The following BTN3A2 variants were observed in gnomAD, a reference collection of about 807,000 sequenced individuals.
BTN3A2 encodes butyrophilin subfamily 3 member A2, also known as butyrophilin protein.
In BTN3A2, 25 loss-of-function variants were observed where a neutral mutation model predicts 37.6. That is an observed-to-expected ratio of 0.66 (90% CI 0.48 to 0.93). The LOEUF (loss-of-function observed/expected upper bound fraction) is 0.93, where lower values mean the gene tolerates loss of function less well. Ranked by LOEUF, BTN3A2 falls within the 40% of genes least tolerant of loss-of-function variation. The pLI is 0.00. For synonymous variants in BTN3A2, 122 were observed against 159.4 expected (o/e 0.77, Z 1.77); for missense variants, 266 against 410.9 (o/e 0.65, Z 3.05).
At position 26,377,235 on chromosome 6, in the gene BTN3A2, G is replaced by T; in HGVS notation, c.*1473G>T. On this transcript the variant is annotated 3_prime_UTR_variant, in exon 11 of 11. Transcript: ENST00000377708. ...TCTGCTTCTCCCTGCCCAGCCTGGA[G>T]CTAAGGGTCTCACCCTCCACAACAG... is the stretch of plus-strand genomic sequence containing the variant. The T allele has an allele frequency of 1.0e-6, 1 of 962,204 alleles. No homozygotes were observed. The highest frequency in any genetic ancestry group is 1.7e-6 in the Non-Finnish European group (1 of 601,162). The allele number at this position is 962,204 out of a possible 1,614,324, so 59.6% of individuals were successfully genotyped here.
At chr6:26,375,140 T>C (rs778203407) in intron 10 of BTN3A2, 2 of 255,484 alleles carry the variant, frequency 7.8e-6, no homozygotes, top group Non-Finnish European at 1.5e-5. Flanking sequence ...TTGCAATCTG[T>C]TTTTCATGGG....
At chr6:26,367,301 G>A (rs879558230) in intron 1 of BTN3A2, among the ~76,000 whole-genome samples, 2 of 152,174 alleles carry the variant, frequency 1.3e-5, no homozygotes, top group Non-Finnish European at 2.9e-5. Flanking sequence ...TAAAAATAGT[G>A]CTGCAGTGTC....
rs1318577395 is a variant in BTN3A2, at chr6:26,373,305, C to A, written c.937+9C>A. 2.6e-6 allele frequency: 4 copies of A among 1,564,938 alleles called. No homozygotes were observed. Among genetic ancestry groups the A allele is most frequent in the Middle Eastern group, 1.7e-4 (1 of 5,840 alleles). On this transcript the variant is annotated intron_variant, in intron 7 of 10. Coordinates refer to ENST00000377708, the MANE Select transcript of BTN3A2 (RefSeq NM_007047.5). ...CCTCCAGGAGGAACTCAGTAAGTTA[C>A]CATTCCCCCAGAGATCCAGACATGT... is the stretch of plus-strand genomic sequence containing the variant.
At position 26,373,067 on chromosome 6, in the gene BTN3A2, G is replaced by A; in HGVS notation, c.886G>A (p.Ala296Thr). Residue 296 changes from alanine (A) to threonine (T), a missense_variant, in exon 6 of 11, where the codon GCT (alanine) becomes ACT (threonine). Physicochemically the swap from Ala to Thr is moderately conservative, Grantham distance 58. This residue lies in a region of BTN3A2 where 204 missense variants were observed against 232.6 expected (regional missense o/e 0.88). Coordinates refer to ENST00000377708, the MANE Select transcript of BTN3A2 (RefSeq NM_007047.5). ...GCAAGAGATGAAAGAAATGGGATAT[G>A]CTGCAACAGAGCGGGAAATAAGCCT... The part of the protein sequence containing the change: ...SEQEMKEMGY[A>T]ATEREISLRE... 1 of 1,614,156 alleles carries A rather than the reference G, an allele frequency of 6.2e-7. No homozygotes were observed.
chr6:26,371,948 G>A (rs1760158422), intron 5 of BTN3A2, among the ~76,000 whole-genome samples: 1 of 152,126 alleles, frequency 6.6e-6, no homozygotes, highest in Non-Finnish European at 1.5e-5. Flanking sequence ...TAAAGTGCTG[G>A]GATTACAGGC....
chr6:26,369,173 A>G (rs1284047417), intron 4 of BTN3A2, among the ~76,000 whole-genome samples: 3 of 152,180 alleles, frequency 2.0e-5, no homozygotes, highest in African/African-American at 7.2e-5. Flanking sequence ...AGGACGAGGG[A>G]TAGGAAGCAT....
intron 8 of BTN3A2, chr6:26,373,727 T>C: frequency 3.4e-6 from 1 of 293,916 alleles, no homozygotes; most frequent in Non-Finnish European, 6.2e-6. Flanking sequence ...GTGCATTTTC[T>C]ATGGCAGGAA....
At chr6:26,366,197 C>T (rs570231145) in intron 1 of BTN3A2, among the ~76,000 whole-genome samples, 25 of 148,340 alleles carry the variant, frequency 1.7e-4, no homozygotes, top group Non-Finnish European at 3.0e-4. Context: ...AAATAAAAAA[C>T]CCGAATTATT....
Position 26,368,552 on chromosome 6 carries a change from C to T in BTN3A2, c.86-13C>T. The T allele has an allele frequency of 2.5e-6, 4 of 1,613,950 alleles. No individual in the cohort carries two copies. The highest frequency in any genetic ancestry group is 3.4e-6 in the Non-Finnish European group (4 of 1,179,856). ...CAAAACCCTCTGATGGAGCTTCCCC[C>T]TTGTGCTGACAGCTCAGTTTTCTGT... On this transcript the variant is annotated splice_polypyrimidine_tract_variant and intron_variant, in intron 3 of 10. Transcript: ENST00000377708.
At chr6:26,373,188 T>C (rs1409421315) in intron 6 of BTN3A2, 88 bp from the exon 7 acceptor site, 8 of 1,602,184 alleles carry the variant, frequency 5.0e-6, no homozygotes, top group Non-Finnish European at 5.9e-6. Context: ...CACTGCATCA[T>C]GTTTAAGGTT....
At chr6:26,367,758 T>C (rs1331591190) in intron 1 of BTN3A2, among the ~76,000 whole-genome samples, 2 of 152,128 alleles carry the variant, frequency 1.3e-5, no homozygotes, top group Admixed American at 6.5e-5. Flanking sequence ...ACTGTAGTAA[T>C]GGCCAAGAGT....
chr6:26,375,957 A>T lies in BTN3A2; in HGVS notation c.*195A>T. The stretch of plus-strand genomic sequence containing the variant: ...CACAGCAGCTCATGCCTGTAATCCT[A>T]GCACTTTGGAAGGCTGAGGAGGGCG... On this transcript the variant is annotated 3_prime_UTR_variant, in exon 11 of 11. Coordinates refer to ENST00000377708, the MANE Select transcript of BTN3A2 (RefSeq NM_007047.5). 2 of 1,233,296 alleles carry T rather than the reference A, an allele frequency of 1.6e-6. No individual in the cohort carries two copies. The highest frequency in any genetic ancestry group is 2.3e-6 in the Non-Finnish European group (2 of 882,038). 76.4% of individuals were successfully genotyped at this position (1,233,296 alleles called of 1,614,324 possible). A position where few individuals can be genotyped will look rare whatever the true frequency, so the allele number is the denominator to read the frequency against.
At chr6:26,371,641 A>G (rs1332927521) in intron 5 of BTN3A2, among the ~76,000 whole-genome samples, 1 of 152,012 alleles carries the variant, frequency 6.6e-6, no homozygotes, top group Non-Finnish European at 1.5e-5. Context: ...CATTTGTATG[A>G]GATGATCCAT....
At chr6:26,372,774 A>G in intron 5 of BTN3A2, 123 bp from the exon 6 acceptor site, 1 of 1,161,078 alleles carries the variant, frequency 8.6e-7, no homozygotes, top group Non-Finnish European at 1.2e-6. Flanking sequence ...GAGAATCCTT[A>G]TTTAACCTCA....
chr6:26,373,579 TTC>T, intron 8 of BTN3A2, 166 bp downstream of exon 8: 1 of 458,024 alleles, frequency 2.2e-6, no homozygotes, highest in African/African-American at 2.2e-5. Flanking sequence ...CCAGTGCTTT[TTC>T]TCTCTAGAAA....
chr6:26,369,593 A>T (rs963876831), intron 4 of BTN3A2, among the ~76,000 whole-genome samples: 5 of 152,172 alleles, frequency 3.3e-5, no homozygotes, highest in Non-Finnish European at 7.3e-5. Context: ...ATGTAGGAAG[A>T]AGGAGACCAG....
chr6:26,374,732 A>G lies in BTN3A2; in HGVS notation c.*7-39A>G, dbSNP rs935561016. 2.0e-6 allele frequency: 3 copies of G among 1,511,754 alleles called. No individual in the cohort carries two copies. In the African/African-American group the frequency reaches 4.2e-5, roughly 21 times the overall value. 93.6% of individuals were successfully genotyped at this position (1,511,754 alleles called of 1,614,324 possible). A position where few individuals can be genotyped will look rare whatever the true frequency, so the allele number is the denominator to read the frequency against. ...AGAATGGAGTGGGAAAAGTACAAAA[A>G]TACTGACCTTTTTCTTATCTGTGTC... On this transcript the variant is annotated intron_variant, in intron 9 of 10. Coordinates refer to ENST00000377708, the MANE Select transcript of BTN3A2 (RefSeq NM_007047.5).
At chr6:26,371,521 A>G (rs530147076) in intron 5 of BTN3A2, among the ~76,000 whole-genome samples, 11 of 152,282 alleles carry the variant, frequency 7.2e-5, no homozygotes, top group Admixed American at 2.0e-4. Context: ...TGTATTTTTG[A>G]TGTGCATTAG....
intron 1 of BTN3A2, 164 bp from the exon 2 acceptor site, chr6:26,367,826 C>G (rs2113675871): frequency 3.7e-6 from 1 of 269,590 alleles, no homozygotes; most frequent in South Asian, 4.7e-5. Flanking sequence ...AGGGTGGGAC[C>G]AGGGAATCCA....
Sources: gnomAD v4.1 joint callset for allele counts (sites outside exome capture counted in the v4.1 genomes callset) on GRCh38, gnomAD v4.1.1 for gene constraint, gnomAD v4.1.1 regional missense constraint, MANE v1.5 for transcripts, NCBI Gene and HGNC (gene_info 2026-07-23, HGNC 2026-07-21) for gene names.